The following EFCAB12 variants were observed in gnomAD, a reference collection of about 807,000 sequenced individuals.
EFCAB12 encodes the protein EF-hand calcium-binding domain-containing protein 12.
In EFCAB12, 43 loss-of-function variants were observed where a neutral mutation model predicts 53.6. The observed-to-expected ratio is 0.80, with a 90% CI of 0.63 to 1.03. The LOEUF is 1.03. Among genes scored for constraint, EFCAB12 ranks in the 50% least tolerant of loss-of-function variants. The pLI is 0.00. For synonymous variants in EFCAB12, 269 were observed against 289.2 expected (o/e 0.93, Z 0.71); for missense variants, 646 against 730.6 (o/e 0.88, Z 1.34).
chr3:129,410,584 C>A (rs2072024307), intron 5 of EFCAB12, among the ~76,000 whole-genome samples: 1 of 152,158 alleles, frequency 6.6e-6, no homozygotes, highest in Non-Finnish European at 1.5e-5. Context: ...TCTCAAAGCG[C>A]TGGGCTAACA....
At chr3:129,417,472 C>T (rs182733248) in intron 3 of EFCAB12, among the ~76,000 whole-genome samples, 16 of 151,140 alleles carry the variant, frequency 1.1e-4, no homozygotes, top group Admixed American at 7.2e-4. Flanking sequence ...AGCATGAAAG[C>T]AGCCATAGAC....
chr3:129,414,518 G>A (rs1248446885), intron 4 of EFCAB12: 1 of 152,258 alleles, frequency 6.6e-6, no homozygotes, highest in African/African-American at 2.4e-5. Flanking sequence ...CTGTGGCTAT[G>A]TTTGGGAAGG....
intron 6 of EFCAB12, among the ~76,000 whole-genome samples, chr3:129,407,192 G>A (rs2071964585): frequency 6.6e-6 from 1 of 152,260 alleles, no homozygotes; most frequent in South Asian, 2.1e-4. Context: ...CAAGGAGGCA[G>A]CCATCTGCCA....
Position 129,428,625 on chromosome 3 carries a change from A to T in EFCAB12, c.-137T>A. On this transcript the variant is annotated 5_prime_UTR_variant, in exon 1 of 9. Transcript: ENST00000505956. ...GAAAGGCGCTCAGCTCAGACTGCAG[A>T]AGCAACCTGTTGCCGTGGCTACGGA... is the stretch of plus-strand genomic sequence containing the variant. 2.8e-6 allele frequency: 3 copies of T among 1,084,004 alleles called. No homozygotes were observed. The highest frequency in any genetic ancestry group is 2.6e-6 in the Non-Finnish European group (2 of 759,738). The allele number at this position is 1,084,004 out of a possible 1,614,324, so 67.1% of individuals were successfully genotyped here. A position where few individuals can be genotyped will look rare whatever the true frequency, so the allele number is the denominator to read the frequency against.
intron 4 of EFCAB12, chr3:129,411,662 C>T (rs538569733): frequency 1.9e-5 from 4 of 210,870 alleles, no homozygotes; most frequent in South Asian, 2.5e-4. Flanking sequence ...TAGCCAGGCG[C>T]GGTGGCTCAC....
chr3:129,410,623 T>G (rs969991137), intron 5 of EFCAB12, among the ~76,000 whole-genome samples: 4 of 152,182 alleles, frequency 2.6e-5, no homozygotes, highest in African/African-American at 7.2e-5. Flanking sequence ...CAGACTATAT[T>G]ATATATGAAT....
chr3:129,402,656 C>A, intron 7 of EFCAB12, 77 bp from the exon 8 acceptor site: 1 of 1,411,046 alleles, frequency 7.1e-7, no homozygotes, highest in Admixed American at 2.2e-5. Context: ...TAGGTCAGGG[C>A]CGCAGGGGTG....
At position 129,401,350 on chromosome 3, in the gene EFCAB12, T is replaced by C. The variant is rs1048751490; in HGVS notation, c.*243A>G. 3.4e-5 allele frequency: 15 copies of C among 443,594 alleles called. No individual in the cohort carries two copies. The highest frequency in any genetic ancestry group is 1.2e-4 in the Admixed American group (3 of 25,190). The allele number at this position is 443,594 out of a possible 1,614,324, so 27.5% of individuals were successfully genotyped here. On this transcript the variant is annotated 3_prime_UTR_variant, in exon 9 of 9. Coordinates refer to ENST00000505956, the MANE Select transcript of EFCAB12 (RefSeq NM_207307.3). ...ATGAGAAAAACTCCAACCTGCTTTA[T>C]GTAGAAAGGGCAGAGGTCAGGGGAG...
Position 129,402,553 on chromosome 3 carries a change from A to G in EFCAB12, c.1430T>C (p.Met477Thr). The change falls in exon 8 of 9, where the codon ATG becomes ACG. Residue 477 changes from methionine to threonine, a missense_variant. By Grantham distance (81) the Met-to-Thr change is moderately conservative. Transcript: ENST00000505956. Reference sequence around the variant, plus strand: ...AAATTCCTCAAACTCCTTAAAGCGCATTTTCTTGCTTTTCTTTGGCGTTTT... The same window carrying G: ...AAATTCCTCAAACTCCTTAAAGCGCGTTTTCTTGCTTTTCTTTGGCGTTTT... ...DKKTPKKSKK[M>T]RFKEFEEFTR... is the part of the protein sequence containing the mutation. 1.2e-6 allele frequency: 2 copies of G among 1,612,936 alleles called. No homozygotes were observed. The highest frequency in any genetic ancestry group is 1.7e-6 in the Non-Finnish European group (2 of 1,179,446).
At chr3:129,428,011 T>A (rs2072292479) in intron 1 of EFCAB12, among the ~76,000 whole-genome samples, 1 of 152,224 alleles carries the variant, frequency 6.6e-6, no homozygotes, top group Admixed American at 6.5e-5. Context: ...AGCACACCTT[T>A]TACTCCTGGG....
In EFCAB12 at chr3:129,410,549, C is replaced by T. The variant is rs146066801; in HGVS notation, c.1035+609G>A. Among the ~76,000 whole-genome samples, 431 of 152,234 alleles carry T rather than the reference C, an allele frequency of 2.8e-3. 11 individuals carry two copies. The highest frequency in any genetic ancestry group is 4.3e-4 in the Non-Finnish European group (29 of 67,996). ...CCTAGGATGGCCTCGAACTCCTGGGCTTAAGCAGTCCTCCTACCTTGGCCT... is the reference window on the plus strand; with the variant it reads ...CCTAGGATGGCCTCGAACTCCTGGGTTTAAGCAGTCCTCCTACCTTGGCCT... On this transcript the variant is annotated intron_variant, in intron 5 of 8. Coordinates refer to ENST00000505956, the MANE Select transcript of EFCAB12 (RefSeq NM_207307.3).
At chr3:129,422,535 G>A (rs960353785) in intron 1 of EFCAB12, among the ~76,000 whole-genome samples, 1 of 152,006 alleles carries the variant, frequency 6.6e-6, no homozygotes, top group Non-Finnish European at 1.5e-5. Context: ...CTGACTAGGG[G>A]TTGGCACGTG....
intron 1 of EFCAB12, 26 bp from the exon 2 acceptor site, chr3:129,421,829 A>G (rs750795188): frequency 6.3e-7 from 1 of 1,580,660 alleles, no homozygotes; most frequent in East Asian, 2.3e-5. Flanking sequence ...TTAAAAGATG[A>G]GTTTCTCTCT....
At position 129,401,726 on chromosome 3, in the gene EFCAB12, A is replaced by G. The variant is rs79930205; in HGVS notation, c.1586T>C (p.Leu529Pro). 4.7e-4 allele frequency: 751 copies of G among 1,599,840 alleles called. 6 individuals carry two copies. The African/African-American group carries it at 8.5e-3, about 18-fold the overall frequency. ...GGGCTGGTGTTGAACACAACTGAAG[A>G]GCGCCAGGCTCCGGTCTGTGGCCAC... ...PTVATDRSLA[L>P]FSCVQHQPHV... The change falls in exon 9 of 9, where the codon CTC (leucine) becomes CCC (proline). Residue 529 changes from leucine to proline, a missense_variant. By Grantham distance (98) the Leu-to-Pro change is moderately conservative (BLOSUM62 -3). Coordinates refer to ENST00000505956, the MANE Select transcript of EFCAB12 (RefSeq NM_207307.3).
At chr3:129,421,887 G>A in intron 1 of EFCAB12, 84 bp from the exon 2 acceptor site, 1 of 1,384,720 alleles carries the variant, frequency 7.2e-7, no homozygotes, top group Non-Finnish European at 9.6e-7. Context: ...TTTGCTCCAG[G>A]CTGGGCAACA....
intron 4 of EFCAB12, chr3:129,413,416 C>T (rs1343392217): frequency 2.0e-5 from 3 of 152,196 alleles, no homozygotes; most frequent in Non-Finnish European, 2.9e-5. Context: ...CAAACTTCAC[C>T]CTCATACAAT....
Position 129,426,356 on chromosome 3 carries a change from TTTG to T in EFCAB12, c.49+2081_49+2083del, listed in dbSNP as rs1174158446. On this transcript the variant is annotated intron_variant, in intron 1 of 8. Coordinates refer to ENST00000505956, the MANE Select transcript of EFCAB12 (RefSeq NM_207307.3). ...ACTTGGATGGCTTACAGGGTTTTTT[TTTG>T]TTTTTTTTTTTTTTTTTTTTTTTGA... Among the ~76,000 whole-genome samples, 136 of 138,610 alleles carry T rather than the reference TTTG, an allele frequency of 9.8e-4. 2 individuals carry two copies. Among genetic ancestry groups the T allele is most frequent in the African/African-American group, 3.6e-3 (123 of 33,862 alleles). 90.9% of individuals were successfully genotyped at this position (138,610 alleles called of 152,430 possible).
intron 4 of EFCAB12, 93 bp from the exon 5 acceptor site, chr3:129,411,447 G>C: frequency 7.5e-7 from 1 of 1,325,496 alleles, no homozygotes. Context: ...CACCCAGCAG[G>C]CACCAGGCCA....
chr3:129,401,411 A>C lies in EFCAB12; in HGVS notation c.*182T>G. The C allele has an allele frequency of 1.3e-6, 1 of 747,128 alleles. No homozygotes were observed. The highest frequency in any genetic ancestry group is 2.0e-6 in the Non-Finnish European group (1 of 496,342). 46.3% of individuals were successfully genotyped at this position (747,128 alleles called of 1,614,324 possible). A position where few individuals can be genotyped will look rare whatever the true frequency, so the allele number is the denominator to read the frequency against. On this transcript the variant is annotated 3_prime_UTR_variant, in exon 9 of 9. Transcript: ENST00000505956. ...AAAAACTGCACGTCATTCCTTGGAC[A>C]CATCTACCCTCTGAGACACTGGACA...
Sources: allele counts gnomAD v4.1 joint callset (sites outside exome capture counted in the v4.1 genomes callset), GRCh38; gene constraint gnomAD v4.1.1; transcripts MANE v1.5; gene names NCBI Gene and HGNC (gene_info 2026-07-23, HGNC 2026-07-21).